Variants in KCNG3 observed in about 807,000 individuals in gnomAD.
KCNG3 encodes the protein potassium voltage-gated channel modifier subfamily G member 3, also known as voltage-gated potassium channel regulatory subunit KCNG3.
KCNG3 carries 15 observed loss-of-function variants against 29.0 expected under a neutral mutation model. The ratio of observed to expected loss-of-function variants is 0.52; its 90% CI spans 0.35 to 0.80. KCNG3 has a LOEUF of 0.80. KCNG3 is among the 30% of genes least tolerant of loss of function. The pLI, the probability that KCNG3 is intolerant of heterozygous loss-of-function variation, is 0.01. For synonymous variants in KCNG3, 322 were observed against 248.9 expected, an observed-to-expected ratio of 1.29 and a Z score of -2.76; for missense variants, 512 against 605.7, an observed-to-expected ratio of 0.85 and a Z score of 1.62.
chr2:42,466,733 A>G (rs1673149953), intron 1 of KCNG3, among the ~76,000 whole-genome samples: 1 of 150,650 alleles, frequency 6.6e-6, no homozygotes, highest in Non-Finnish European at 1.5e-5. Context: ...AATTAGTGGC[A>G]AAAACTGCAA....
the KCNG3 span, among the ~76,000 whole-genome samples, chr2:42,401,630 G>C: frequency 6.6e-6 from 1 of 152,044 alleles, no homozygotes; most frequent in Non-Finnish European, 1.5e-5. Context: ...TTTTTGTAGT[G>C]ACAGGGTCTC....
the KCNG3 span, among the ~76,000 whole-genome samples, chr2:42,420,624 T>C: frequency 6.6e-6 from 1 of 151,992 alleles, no homozygotes; most frequent in African/African-American, 2.4e-5. Context: ...ACCCCATCTC[T>C]ACTAAAAATA....
chr2:42,392,445 T>C, the KCNG3 span, among the ~76,000 whole-genome samples: 1 of 152,108 alleles, frequency 6.6e-6, no homozygotes, highest in Non-Finnish European at 1.5e-5. Flanking sequence ...GCTGATTCTC[T>C]AATACAACAC....
At chr2:42,474,216 TC>T (rs1300903423) in intron 1 of KCNG3, among the ~76,000 whole-genome samples, 2 of 151,040 alleles carry the variant, frequency 1.3e-5, no homozygotes, top group Non-Finnish European at 2.9e-5. Context: ...GAGCAAGAGT[TC>T]ATCTCGGAGA....
intron 1 of KCNG3, among the ~76,000 whole-genome samples, chr2:42,454,468 T>C (rs1054498904): frequency 6.6e-6 from 1 of 152,156 alleles, no homozygotes; most frequent in Admixed American, 6.5e-5. Context: ...TCCCAGCACT[T>C]TGGGAGGCCG....
chr2:42,411,953 A>G, the KCNG3 span, among the ~76,000 whole-genome samples: 4 of 152,342 alleles, frequency 2.6e-5, no homozygotes, highest in South Asian at 8.3e-4. Context: ...CAAATTCTAG[A>G]TATGATTTAG....
the KCNG3 span, among the ~76,000 whole-genome samples, chr2:42,421,900 T>G: frequency 1.3e-5 from 2 of 152,214 alleles, no homozygotes; most frequent in African/African-American, 4.8e-5. Context: ...AATATGCGTT[T>G]TTTTAATCTG....
At chr2:42,436,753 T>C in the KCNG3 span, among the ~76,000 whole-genome samples, 2 of 152,190 alleles carry the variant, frequency 1.3e-5, no homozygotes, top group Admixed American at 1.3e-4. Flanking sequence ...GTGAGGACCA[T>C]AAAAACCACA....
the KCNG3 span, among the ~76,000 whole-genome samples, chr2:42,411,276 T>C: frequency 1.3e-5 from 2 of 152,188 alleles, no homozygotes; most frequent in African/African-American, 4.8e-5. Flanking sequence ...TATTTTTCCA[T>C]AGGAATATTA....
At chr2:42,469,231 A>T (rs1243878417) in intron 1 of KCNG3, among the ~76,000 whole-genome samples, 4 of 151,970 alleles carry the variant, frequency 2.6e-5, no homozygotes, top group African/African-American at 4.8e-5. Flanking sequence ...AGCCTGGCCA[A>T]CATGGGGAAA....
At chr2:42,446,371 G>A (rs1040233389) in intron 1 of KCNG3, among the ~76,000 whole-genome samples, 18 of 151,696 alleles carry the variant, frequency 1.2e-4, no homozygotes, top group African/African-American at 4.4e-4. Context: ...TAGAGACGGG[G>A]TTTCACCATG....
intron 1 of KCNG3, among the ~76,000 whole-genome samples, chr2:42,461,193 A>C (rs1034360076): frequency 2.0e-4 from 30 of 150,640 alleles, no homozygotes; most frequent in African/African-American, 6.6e-4. Flanking sequence ...AAAAAAAAAA[A>C]AAAAAAAAAA....
chr2:42,411,741 C>T, the KCNG3 span, among the ~76,000 whole-genome samples: 3 of 152,144 alleles, frequency 2.0e-5, no homozygotes, highest in African/African-American at 7.2e-5. Context: ...CCTCGGTCTC[C>T]CAAAGTGCTG....
At chr2:42,433,863 A>G in the KCNG3 span, among the ~76,000 whole-genome samples, 3 of 152,260 alleles carry the variant, frequency 2.0e-5, no homozygotes, top group East Asian at 5.8e-4. Flanking sequence ...ACCCTGGGAC[A>G]TCAGTATTCC....
the KCNG3 span, among the ~76,000 whole-genome samples, chr2:42,400,137 G>C: frequency 1.3e-5 from 2 of 152,148 alleles, no homozygotes; most frequent in Non-Finnish European, 2.9e-5. Flanking sequence ...CAGTGTGGGA[G>C]AGGGCTGGCA....
intron 1 of KCNG3, among the ~76,000 whole-genome samples, chr2:42,453,264 A>G (rs926021289): frequency 6.6e-6 from 1 of 152,218 alleles, no homozygotes; most frequent in African/African-American, 2.4e-5. Flanking sequence ...CAGTTTTTTA[A>G]GGAACCTCCA....
chr2:42,461,706 C>T (rs1356034089), intron 1 of KCNG3, among the ~76,000 whole-genome samples: 1 of 152,144 alleles, frequency 6.6e-6, no homozygotes, highest in African/African-American at 2.4e-5. Context: ...CTAAATAATA[C>T]AAGAAGATCA....
chr2:42,489,159 G>A (rs975451914), intron 1 of KCNG3, among the ~76,000 whole-genome samples: 3 of 151,304 alleles, frequency 2.0e-5, no homozygotes, highest in African/African-American at 4.9e-5. Context: ...TGCCCACCTC[G>A]GCCTCCCAAA....
the KCNG3 span, among the ~76,000 whole-genome samples, chr2:42,427,028 T>C: frequency 6.6e-6 from 1 of 152,204 alleles, no homozygotes; most frequent in South Asian, 2.1e-4. Context: ...AGAGAACTCT[T>C]CTCAAAGTTC....
Sources: gnomAD v4.1 joint callset for allele counts (sites outside exome capture counted in the v4.1 genomes callset) on GRCh38, gnomAD v4.1.1 for gene constraint, MANE v1.5 for transcripts, NCBI Gene and HGNC (gene_info 2026-07-23, HGNC 2026-07-21) for gene names.